The following ADGRE3 variants were observed in gnomAD, a reference collection of about 807,000 sequenced individuals.
The protein encoded by ADGRE3 is adhesion G protein-coupled receptor E3, also known as EGF-like module receptor 3.
ADGRE3 carries 88 observed loss-of-function variants against 80.1 expected under a neutral mutation model. The ratio of observed to expected loss-of-function variants is 1.10; its 90% CI spans 0.93 to 1.31. The LOEUF is 1.31. Ranked by LOEUF, ADGRE3 falls within the 40% of genes most tolerant of loss-of-function variation. The pLI is 0.00. For synonymous variants in ADGRE3, 281 were observed against 294.8 expected (o/e 0.95, Z 0.48); for missense variants, 715 against 776.5 (o/e 0.92, Z 0.94).
At chr19:14,616,787 C>T (rs1198104194), downstream of ADGRE3, among the ~76,000 whole-genome samples, 2 of 119,508 alleles carry the variant, frequency 1.7e-5, no homozygotes, top group African/African-American at 6.3e-5. Context: ...AAGCTTTTTT[C>T]TAGAATTTTT....
chr19:14,674,666 G>A, intron 1 of ADGRE3, 80 bp downstream of exon 1: 5 of 1,447,002 alleles, frequency 3.5e-6, no homozygotes, highest in Non-Finnish European at 4.8e-6. Context: ...AAGAGGAGGA[G>A]AAAATAACCA....
At chr19:14,653,724 C>T (rs1971668978) in intron 6 of ADGRE3, among the ~76,000 whole-genome samples, 1 of 151,368 alleles carries the variant, frequency 6.6e-6, no homozygotes, top group South Asian at 2.1e-4. Context: ...ATTTGCACAC[C>T]ACCATGTCCA....
At chr19:14,658,694 T>C in intron 4 of ADGRE3, 144 bp from the exon 5 acceptor site, 2 of 403,860 alleles carry the variant, frequency 5.0e-6, no homozygotes, top group Non-Finnish European at 8.9e-6. Context: ...TGCTGTTTGT[T>C]GATTTTTAAA....
intron 15 of ADGRE3, chr19:14,622,380 A>G (rs1045378266): frequency 4.9e-6 from 2 of 408,472 alleles, no homozygotes; most frequent in African/African-American, 2.6e-5. Flanking sequence ...TTCCTGGACT[A>G]TTGAAATCAA....
At chr19:14,633,361 A>G in intron 11 of ADGRE3, 59 bp from the exon 12 acceptor site, 2 of 1,303,380 alleles carry the variant, frequency 1.5e-6, no homozygotes, top group African/African-American at 2.9e-5. Flanking sequence ...TGAGATCAAC[A>G]TAAAGTGTCT....
intron 4 of ADGRE3, among the ~76,000 whole-genome samples, chr19:14,659,859 G>A (rs17275290): frequency 0.17 from 20,503 of 117,914 alleles, 1,595 homozygotes; most frequent in Middle Eastern, 0.33. Flanking sequence ...GACAAGGAAA[G>A]TCTAGCAAAT....
the ADGRE3 span, among the ~76,000 whole-genome samples, chr19:14,606,239 A>T: frequency 6.6e-6 from 1 of 152,094 alleles, no homozygotes; most frequent in Non-Finnish European, 1.5e-5. Flanking sequence ...AGACGTCCAC[A>T]GTATGAGGCT....
chr19:14,601,991 A>G, the ADGRE3 span, among the ~76,000 whole-genome samples: 1 of 151,836 alleles, frequency 6.6e-6, no homozygotes, highest in African/African-American at 2.4e-5. Context: ...ACGGGGTTTC[A>G]CTGTGTTAGC....
chr19:14,632,939 G>A lies in ADGRE3; in HGVS notation c.1625C>T (p.Ser542Leu). 6.2e-7 allele frequency: 1 copy of A among 1,612,066 alleles called. No homozygotes were observed. Residue 542 changes from serine (S) to leucine (L), a missense_variant, in exon 13 of 16, where the codon TCA becomes TTA. Transcript: ENST00000253673. ...ATCCTACCTTGTGTTCTGGATGGTT[G>A]ACACTTCACTATTGAGGGAGGAAAG... Reference protein sequence around the residue: ...RKLSSLNSEVSTIQNTRMLAF... With the variant: ...RKLSSLNSEVLTIQNTRMLAF...
chr19:14,664,280 A>G (rs1238841789), intron 2 of ADGRE3, among the ~76,000 whole-genome samples: 1 of 151,988 alleles, frequency 6.6e-6, no homozygotes, highest in Non-Finnish European at 1.5e-5. Flanking sequence ...TCTACTGAAA[A>G]TACAAAATTA....
intron 15 of ADGRE3, among the ~76,000 whole-genome samples, chr19:14,624,292 C>G (rs1441913462): frequency 1.3e-5 from 2 of 152,066 alleles, no homozygotes; most frequent in African/African-American, 4.8e-5. Flanking sequence ...TGGGGTTTCT[C>G]CATGTTGGTC....
At chr19:14,665,252 C>T (rs1052130429) in intron 2 of ADGRE3, among the ~76,000 whole-genome samples, 9 of 151,220 alleles carry the variant, frequency 6.0e-5, no homozygotes, top group Non-Finnish European at 8.9e-5. Context: ...TTAGTAGAGG[C>T]GGGGGTTTCA....
chr19:14,669,574 C>T (rs1972197407), intron 1 of ADGRE3, among the ~76,000 whole-genome samples: 1 of 152,080 alleles, frequency 6.6e-6, no homozygotes, highest in Non-Finnish European at 1.5e-5. Context: ...CCACAACCTC[C>T]ACCTCCCAGG....
Position 14,647,934 on chromosome 19 carries a change from T to C in ADGRE3, c.698-569A>G, listed in dbSNP as rs199745137. On this transcript the variant is annotated intron_variant, in intron 7 of 15. Transcript: ENST00000253673. The stretch of plus-strand genomic sequence containing the variant: ...CTGTCTCTACTAAAAATACAAAGAT[T>C]AGCTGGTTGTGGTGGCACATGCTTG... Among the ~76,000 whole-genome samples the C allele has an allele frequency of 2.2e-4, 34 of 151,490 alleles. 1 individual carries two copies. In the East Asian group the frequency reaches 6.4e-3, roughly 28 times the overall value.
intron 9 of ADGRE3, among the ~76,000 whole-genome samples, chr19:14,642,704 G>A (rs1300162869): frequency 6.6e-6 from 1 of 152,154 alleles, no homozygotes; most frequent in Non-Finnish European, 1.5e-5. Flanking sequence ...AGTTTGCTAA[G>A]GATAATGGCC....
At chr19:14,636,313 G>A (rs1177376600) in intron 11 of ADGRE3, among the ~76,000 whole-genome samples, 4 of 147,486 alleles carry the variant, frequency 2.7e-5, no homozygotes, top group Non-Finnish European at 5.9e-5. Flanking sequence ...TCCACCTCCC[G>A]GGTTCAAGCG....
At position 14,638,452 on chromosome 19, in the gene ADGRE3, A is replaced by T. The variant is rs1421379000; in HGVS notation, c.1249-112T>A. 5.6e-6 allele frequency: 4 copies of T among 713,800 alleles called. No individual in the cohort carries two copies. In the Admixed American group the frequency reaches 1.1e-4, roughly 19 times the overall value. 44.2% of individuals were successfully genotyped at this position (713,800 alleles called of 1,614,324 possible). A position where few individuals can be genotyped will look rare whatever the true frequency, so the allele number is the denominator to read the frequency against. ...GAGCACCTGACATCAGACCAAGGGC[A>T]CTAAAAGTAAAGGGGAACTGGATGC... is the stretch of plus-strand genomic sequence containing the variant. On this transcript the variant is annotated intron_variant, in intron 10 of 15. Transcript: ENST00000253673.
At chr19:14,608,896 T>C in the ADGRE3 span, among the ~76,000 whole-genome samples, 1 of 151,560 alleles carries the variant, frequency 6.6e-6, no homozygotes, top group Non-Finnish European at 1.5e-5. Context: ...GCCTCCTGGA[T>C]TCAAGCGATT....
chr19:14,638,576 C>A (rs572184373), intron 10 of ADGRE3, among the ~76,000 whole-genome samples: 1 of 151,968 alleles, frequency 6.6e-6, no homozygotes, highest in Non-Finnish European at 1.5e-5. Flanking sequence ...TTAGTGAGAC[C>A]CCATCTCAAT....
Sources: gnomAD v4.1 joint callset for allele counts (sites outside exome capture counted in the v4.1 genomes callset) on GRCh38, gnomAD v4.1.1 for gene constraint, MANE v1.5 for transcripts, NCBI Gene and HGNC (gene_info 2026-07-23, HGNC 2026-07-21) for gene names.